The following EIF3J variants were observed in gnomAD, a reference collection of about 807,000 sequenced individuals.
EIF3J encodes the protein eukaryotic translation initiation factor 3 subunit J, also known as eukaryotic translation initiation factor 3, subunit 1 (alpha, 35kD).
In EIF3J, 15 loss-of-function variants were observed where a neutral mutation model predicts 39.0. That is an observed-to-expected ratio of 0.38 (90% confidence interval 0.26 to 0.59). EIF3J has a LOEUF of 0.59. Among genes scored for constraint, EIF3J ranks in the 20% least tolerant of loss-of-function variants. EIF3J has a pLI of 0.60. For synonymous variants in EIF3J, 98 were observed against 112.9 expected (o/e 0.87, Z 0.84); for missense variants, 226 against 308.6 (o/e 0.73, Z 2.00).
At chr15:44,559,706 CAAA>C (rs557407192) in intron 6 of EIF3J, among the ~76,000 whole-genome samples, 1 of 125,910 alleles carries the variant, frequency 7.9e-6, no homozygotes. Context: ...GACTCCATCT[CAAA>C]AAAAAAAAAA....
At chr15:44,560,393 A>G (rs745910228) in intron 7 of EIF3J, 71 bp downstream of exon 7, 13 of 1,402,334 alleles carry the variant, frequency 9.3e-6, no homozygotes, top group Middle Eastern at 3.6e-4. Context: ...GTCAACAAAT[A>G]TAATAGGAGC....
chr15:44,555,702 G>C (rs1290987955), intron 5 of EIF3J, among the ~76,000 whole-genome samples: 1 of 152,196 alleles, frequency 6.6e-6, no homozygotes, highest in Admixed American at 6.5e-5. Context: ...ACCTGTTATA[G>C]ACTAAAAGGT....
At chr15:44,550,781 C>A in intron 2 of EIF3J, 95 bp from the exon 3 acceptor site, 3 of 871,136 alleles carry the variant, frequency 3.4e-6, no homozygotes, top group South Asian at 1.7e-5. Context: ...AAAAAAATAC[C>A]AACAAACATT....
At chr15:44,540,259 ATATATATATT>A (rs1347668029) in intron 2 of EIF3J, among the ~76,000 whole-genome samples, 608 of 56,138 alleles carry the variant, frequency 0.011, 4 homozygotes, top group African/African-American at 0.028. Context: ...ATATATATAT[ATATATATATT>A]TTTTTTTTTT....
chr15:44,558,768 G>A (rs553587498), intron 6 of EIF3J: 1 of 152,210 alleles, frequency 6.6e-6, no homozygotes, highest in South Asian at 2.1e-4. Context: ...TGGAGAAAAA[G>A]GAATCCTACA....
At chr15:44,540,272 T>A (rs1236310035) in intron 2 of EIF3J, among the ~76,000 whole-genome samples, 422 of 88,332 alleles carry the variant, frequency 4.8e-3, no homozygotes, top group Non-Finnish European at 8.0e-3. Context: ...TATATATTTT[T>A]TTTTTTTTTT....
intron 2 of EIF3J, among the ~76,000 whole-genome samples, chr15:44,544,130 A>G (rs1220323413): frequency 8.9e-5 from 11 of 123,008 alleles, no homozygotes; most frequent in Non-Finnish European, 1.5e-4. Context: ...GGCCTTCTCT[A>G]TCACCCAGGC....
intron 2 of EIF3J, among the ~76,000 whole-genome samples, chr15:44,538,902 A>AT (rs1297404035): frequency 1.3e-5 from 2 of 152,220 alleles, no homozygotes; most frequent in Non-Finnish European, 2.9e-5. Context: ...CAGAGAAAAG[A>AT]TTAGAGATAT....
intron 2 of EIF3J, among the ~76,000 whole-genome samples, chr15:44,543,320 A>C (rs2082027130): frequency 6.6e-6 from 1 of 151,998 alleles, no homozygotes; most frequent in Non-Finnish European, 1.5e-5. Flanking sequence ...ACTTGTAAGC[A>C]CTTTGGGGAG....
intron 1 of EIF3J, 41 bp from the exon 2 acceptor site, chr15:44,537,283 A>T (rs1485981779): frequency 1.9e-6 from 3 of 1,565,010 alleles, no homozygotes; most frequent in Non-Finnish European, 2.6e-6. Flanking sequence ...CGCCGGCCCC[A>T]CGCAGTGGCA....
rs1313441792 is a variant in EIF3J, at chr15:44,551,461, C to T, written c.233C>T (p.Ala78Val). 2 of 1,586,614 alleles carry T rather than the reference C, an allele frequency of 1.3e-6. No homozygotes were observed. Among genetic ancestry groups the T allele is most frequent in the East Asian group, 4.5e-5 (2 of 44,368 alleles). Residue 78 changes from alanine to valine, a missense_variant, in exon 4 of 8, where the codon GCA becomes GTA. Physicochemically the swap from Ala to Val is moderately conservative, Grantham distance 64. This residue lies in a region of EIF3J where 143 missense variants were observed against 156.0 expected (regional missense o/e 0.92). Transcript: ENST00000261868. ...EVKISEKKKI[A>V]EKIKEKERQQ... ...AAAATTTCAGAAAAGAAAAAAATAG[C>T]AGAGAAGATAAAAGAGAAAGAACGG...
chr15:44,553,629 GT>G (rs1294699396), intron 4 of EIF3J, among the ~76,000 whole-genome samples: 1 of 152,136 alleles, frequency 6.6e-6, no homozygotes, highest in Non-Finnish European at 1.5e-5. Flanking sequence ...ATTTGTTATA[GT>G]GGTAATTTTA....
At chr15:44,538,721 G>C (rs894330669) in intron 2 of EIF3J, among the ~76,000 whole-genome samples, 23 of 152,164 alleles carry the variant, frequency 1.5e-4, no homozygotes, top group African/African-American at 5.6e-4. Context: ...AGAAACATGG[G>C]ACTAGATTTT....
In EIF3J at chr15:44,537,162, C is replaced by T. The variant is rs1045674449; in HGVS notation, c.-33C>T. On this transcript the variant is annotated 5_prime_UTR_variant, in exon 1 of 8. Coordinates refer to ENST00000261868, the MANE Select transcript of EIF3J (RefSeq NM_003758.4). ...CCGCCGTGCTAACTCCTCGCTAGCT[C>T]TCCCTCTCACACACGCTCACACCCG... 4 of 1,613,152 alleles carry T rather than the reference C, an allele frequency of 2.5e-6. No individual in the cohort carries two copies. Among genetic ancestry groups the T allele is most frequent in the Non-Finnish European group, 3.4e-6 (4 of 1,179,534 alleles).
At chr15:44,558,816 C>T (rs1023213150) in intron 6 of EIF3J, 2 of 152,150 alleles carry the variant, frequency 1.3e-5, no homozygotes, top group African/African-American at 4.8e-5. Flanking sequence ...TATCACTAAG[C>T]TGAGGGTTCT....
Position 44,551,481 on chromosome 15 carries a change from G to T in EIF3J, c.253G>T (p.Glu85Ter). The T allele has an allele frequency of 1.3e-6, 2 of 1,590,780 alleles. No homozygotes were observed. Among genetic ancestry groups the T allele is most frequent in the South Asian group, 2.3e-5 (2 of 86,472 alleles). ...KKIAEKIKEK[E>*]RQQKKRQEEI... The stretch of plus-strand genomic sequence containing the variant: ...AATAGCAGAGAAGATAAAAGAGAAA[G>T]AACGGCAACAGAAGAAAAGGCAAGA... Residue 85 changes from glutamate (E) to a stop codon, truncating the protein, a stop_gained, in exon 4 of 8, where the codon GAA becomes TAA. Coordinates refer to ENST00000261868, the MANE Select transcript of EIF3J (RefSeq NM_003758.4). LOFTEE classifies it high-confidence loss of function.
At chr15:44,539,577 T>C (rs2081991392) in intron 2 of EIF3J, among the ~76,000 whole-genome samples, 1 of 151,848 alleles carries the variant, frequency 6.6e-6, no homozygotes, top group African/African-American at 2.4e-5. Flanking sequence ...ATTTTTTCTA[T>C]TTTTAGTAGA....
In EIF3J at chr15:44,551,538, T is replaced by C; in HGVS notation, c.294+16T>C. 6.4e-7 allele frequency: 1 copy of C among 1,557,008 alleles called. No individual in the cohort carries two copies. The highest frequency in any genetic ancestry group is 8.7e-7 in the Non-Finnish European group (1 of 1,148,916). On this transcript the variant is annotated intron_variant, in intron 4 of 7. Transcript: ENST00000261868. ...TAAAAAGAGGGTAAATTCTGTTTTC[T>C]AAAATACAGAATTCTCACATCGGTA...
chr15:44,545,209 A>T (rs77076972), intron 2 of EIF3J, among the ~76,000 whole-genome samples: 1,639 of 152,272 alleles, frequency 0.011, 39 homozygotes, highest in African/African-American at 0.038. Flanking sequence ...ATTTACTATA[A>T]TACTATTTTT....
Sources: allele counts gnomAD v4.1 joint callset (sites outside exome capture counted in the v4.1 genomes callset), GRCh38; gene constraint gnomAD v4.1.1; regional missense constraint gnomAD v4.1.1; transcripts MANE v1.5; gene names NCBI Gene and HGNC (gene_info 2026-07-23, HGNC 2026-07-21).